The following CDKAL1 variants were observed in gnomAD, a reference collection of about 807,000 sequenced individuals.
CDKAL1 encodes threonylcarbamoyladenosine tRNA methylthiotransferase.
In CDKAL1, 32 loss-of-function variants were observed where a neutral mutation model predicts 68.2. That is an observed-to-expected ratio of 0.47 (90% CI 0.35 to 0.63). The LOEUF is 0.63. CDKAL1 is among the 30% of genes least tolerant of loss of function. The pLI is 0.00. For missense variants in CDKAL1, 606 were observed against 696.7 expected (o/e 0.87, Z 1.47); for synonymous variants, 234 against 244.3 (o/e 0.96, Z 0.39).
chr6:21,198,396 C>T (rs1464807223), intron 14 of CDKAL1, among the ~76,000 whole-genome samples: 1 of 152,128 alleles, frequency 6.6e-6, no homozygotes, highest in Non-Finnish European at 1.5e-5. Flanking sequence ...CCAGAATTCC[C>T]ACACCCTGGC....
intron 9 of CDKAL1, among the ~76,000 whole-genome samples, chr6:20,881,260 G>C (rs947531680): frequency 6.6e-6 from 1 of 152,148 alleles, no homozygotes; most frequent in Admixed American, 6.5e-5. Flanking sequence ...ATTTCTGTCA[G>C]GTTCCAAGAT....
At chr6:21,199,367 G>A (rs1346038562) in intron 14 of CDKAL1, among the ~76,000 whole-genome samples, 1 of 152,148 alleles carries the variant, frequency 6.6e-6, no homozygotes, top group Non-Finnish European at 1.5e-5. Context: ...AGTTGAGGAA[G>A]GGCTCCCAGC....
chr6:21,199,206 G>A (rs1297258077), intron 14 of CDKAL1, among the ~76,000 whole-genome samples: 4 of 152,218 alleles, frequency 2.6e-5, no homozygotes, highest in African/African-American at 4.8e-5. Context: ...GGCTGCCTGT[G>A]TCAGAAGGCA....
intron 13 of CDKAL1, among the ~76,000 whole-genome samples, chr6:21,122,368 G>C (rs886369856): frequency 4.6e-5 from 7 of 152,128 alleles, no homozygotes; most frequent in Admixed American, 1.3e-4. Flanking sequence ...TGGAACATGA[G>C]CTCATAGGAG....
intron 5 of CDKAL1, among the ~76,000 whole-genome samples, chr6:20,685,243 GT>G (rs1562024504): frequency 6.6e-6 from 1 of 152,134 alleles, no homozygotes; most frequent in South Asian, 2.1e-4. Flanking sequence ...TTCTACCACC[GT>G]TTTTTGAAGA....
In CDKAL1 at chr6:20,750,233, A is replaced by C. The variant is rs538289302; in HGVS notation, c.469-8362A>C. Among the ~76,000 whole-genome samples, 151 of 152,102 alleles carry C rather than the reference A, an allele frequency of 9.9e-4. 2 individuals are homozygous for C. Among genetic ancestry groups the C allele is most frequent in the African/African-American group, 3.4e-3 (143 of 41,512 alleles). The stretch of plus-strand genomic sequence containing the variant: ...TGGGACTGCAGGCACATGCCACCAC[A>C]CATGGCTAATTTTTTGTTTCTGTAA... On this transcript the variant is annotated intron_variant, in intron 6 of 15. Transcript: ENST00000274695.
intron 10 of CDKAL1, 21 bp from the exon 11 acceptor site, chr6:21,000,206 T>C: frequency 6.2e-7 from 1 of 1,604,962 alleles, no homozygotes. Context: ...GATTAGTGTT[T>C]TCTCCTTCCA....
rs530817369 is a variant in CDKAL1, at chr6:20,878,673, T to A, written c.742+32495T>A. ...CTTGAACTCGGGGAGTGGGCGGAGG[T>A]TGCAGTGAGCTGAGATCATGCCACT... On this transcript the variant is annotated intron_variant, in intron 9 of 15. Transcript: ENST00000274695. Among the ~76,000 whole-genome samples the A allele has an allele frequency of 5.9e-5, 9 of 151,298 alleles. No homozygotes were observed. In the South Asian group the frequency reaches 1.9e-3, roughly 32 times the overall value.
intron 11 of CDKAL1, among the ~76,000 whole-genome samples, chr6:21,040,114 G>A (rs532146471): frequency 1.3e-5 from 2 of 152,110 alleles, no homozygotes; most frequent in African/African-American, 2.4e-5. Flanking sequence ...ATCAACACAC[G>A]CTTGCTCTGA....
At chr6:20,793,132 C>T (rs982744086) in intron 8 of CDKAL1, among the ~76,000 whole-genome samples, 3 of 152,126 alleles carry the variant, frequency 2.0e-5, no homozygotes, top group East Asian at 3.9e-4. Context: ...TCAGTCAACC[C>T]GGGATCCTTT....
intron 9 of CDKAL1, among the ~76,000 whole-genome samples, chr6:20,881,966 A>G (rs534276923): frequency 2.0e-5 from 3 of 152,156 alleles, no homozygotes; most frequent in Non-Finnish European, 4.4e-5. Flanking sequence ...TGGCAACCAC[A>G]AATTTCTTTT....
chr6:21,073,148 G>A (rs1013028213), intron 12 of CDKAL1, among the ~76,000 whole-genome samples: 4 of 151,934 alleles, frequency 2.6e-5, no homozygotes, highest in South Asian at 4.2e-4. Context: ...ATCTTTTCAC[G>A]GCCTGATAGC....
At chr6:20,708,000 GAGT>G (rs983489780) in intron 5 of CDKAL1, among the ~76,000 whole-genome samples, 91 of 152,282 alleles carry the variant, frequency 6.0e-4, no homozygotes, top group African/African-American at 1.6e-3. Context: ...TATATTATAA[GAGT>G]AGGAAAAGCA....
intron 9 of CDKAL1, among the ~76,000 whole-genome samples, chr6:20,900,165 C>T (rs1211381763): frequency 2.0e-5 from 3 of 151,978 alleles, no homozygotes; most frequent in Admixed American, 6.6e-5. Context: ...TGTCTCCTTT[C>T]GATTTATACT....
intron 5 of CDKAL1, among the ~76,000 whole-genome samples, chr6:20,664,510 A>G (rs905760907): frequency 3.3e-5 from 5 of 152,182 alleles, no homozygotes; most frequent in African/African-American, 1.2e-4. Context: ...TCAGTATTTT[A>G]TGATAGTTAC....
chr6:21,100,693 T>G (rs1773536913), intron 12 of CDKAL1, among the ~76,000 whole-genome samples: 2 of 76,150 alleles, frequency 2.6e-5, no homozygotes, highest in Non-Finnish European at 4.8e-5. Flanking sequence ...CTGTATATTT[T>G]GGGGTATTTT....
intron 10 of CDKAL1, among the ~76,000 whole-genome samples, chr6:20,974,978 C>CAAAAAAAAA (rs11330322): frequency 1.1e-4 from 7 of 62,930 alleles, no homozygotes; most frequent in Admixed American, 4.1e-4. Context: ...GACCCTATCT[C>CAAAAAAAAA]AAAAAAAAAA....
intron 15 of CDKAL1, among the ~76,000 whole-genome samples, chr6:21,221,144 G>GTGAC (rs1779525642): frequency 6.6e-6 from 1 of 152,036 alleles, no homozygotes; most frequent in Middle Eastern, 3.2e-3. Context: ...TCCAATCTAG[G>GTGAC]TGACAGAGCG....
chr6:21,064,819 A>G (rs2150932272), intron 11 of CDKAL1, among the ~76,000 whole-genome samples: 1 of 152,330 alleles, frequency 6.6e-6, no homozygotes, highest in East Asian at 1.9e-4. Context: ...AGAGGAAAGA[A>G]CAAAGAACCA....
Sources: allele counts gnomAD v4.1 joint callset (sites outside exome capture counted in the v4.1 genomes callset), GRCh38; gene constraint gnomAD v4.1.1; transcripts MANE v1.5; gene names NCBI Gene and HGNC (gene_info 2026-07-23, HGNC 2026-07-21).